The following PARPBP variants were observed in gnomAD, a reference collection of about 807,000 sequenced individuals.
PARPBP encodes the protein PCNA-interacting partner.
In PARPBP, 52 loss-of-function variants were observed where a neutral mutation model predicts 50.0. The ratio of observed to expected loss-of-function variants is 1.04; its 90% CI spans 0.83 to 1.31. The LOEUF is 1.31. Among genes scored for constraint, PARPBP ranks in the 50% most tolerant of loss-of-function variants. The probability of loss-of-function intolerance (pLI) is 0.00; values close to 1 mark genes in which losing one functional copy is unlikely to be tolerated. For missense variants in PARPBP, 697 were observed against 672.0 expected, an observed-to-expected ratio of 1.04 and a Z score of -0.41; for synonymous variants, 244 against 232.1, an observed-to-expected ratio of 1.05 and a Z score of -0.47.
intron 7 of PARPBP, among the ~76,000 whole-genome samples, chr12:102,177,837 C>T (rs1889429375): frequency 6.6e-6 from 1 of 152,184 alleles, no homozygotes; most frequent in Admixed American, 6.5e-5. Context: ...ACCACTTCCT[C>T]CCTTTTACCT....
chr12:102,169,427 T>A (rs778463236), intron 6 of PARPBP, among the ~76,000 whole-genome samples: 26 of 152,164 alleles, frequency 1.7e-4, no homozygotes, highest in Non-Finnish European at 3.1e-4. Flanking sequence ...TTTTTGTCTT[T>A]CTCTGCAAAA....
intron 9 of PARPBP, among the ~76,000 whole-genome samples, chr12:102,184,965 T>G (rs1890173624): frequency 6.6e-6 from 1 of 152,198 alleles, no homozygotes; most frequent in Admixed American, 6.5e-5. Context: ...TATCTTGAAA[T>G]GAGCATTTCA....
At chr12:102,130,552 C>G (rs564466771) in intron 2 of PARPBP, among the ~76,000 whole-genome samples, 2 of 151,688 alleles carry the variant, frequency 1.3e-5, no homozygotes, top group African/African-American at 4.8e-5. Context: ...AGAAAAAATC[C>G]CATTAAGAAG....
In PARPBP at chr12:102,197,515, C is replaced by G; in HGVS notation, c.*1224C>G. On this transcript the variant is annotated 3_prime_UTR_variant, in exon 11 of 11. Coordinates refer to ENST00000327680, the MANE Select transcript of PARPBP (RefSeq NM_017915.5). Reference sequence around the variant, plus strand: ...TGAAATAAACGACAAGTCACATTGCCACTTACCTTTGAAACTTTATTTTCC... The same window carrying G: ...TGAAATAAACGACAAGTCACATTGCGACTTACCTTTGAAACTTTATTTTCC... 1 of 1,597,290 alleles carries G rather than the reference C, an allele frequency of 6.3e-7. No homozygotes were observed. The highest frequency in any genetic ancestry group is 8.5e-7 in the Non-Finnish European group (1 of 1,173,510).
intron 6 of PARPBP, among the ~76,000 whole-genome samples, chr12:102,171,088 C>T (rs1267647968): frequency 1.3e-5 from 2 of 151,480 alleles, no homozygotes; most frequent in African/African-American, 4.8e-5. Flanking sequence ...CTCCTACAGT[C>T]ACAACACCTT....
At position 102,148,280 on chromosome 12, in the gene PARPBP, A is replaced by T. The variant is rs1274710880; in HGVS notation, c.204A>T (p.Lys68Asn). ...VSLSDVLLTW[K>N]YLLHEKLNLP... ...TCAGTGATGTTTTATTGACATGGAA[A>T]TACTTGCTCCATGAGAAATTGAACT... Residue 68 changes from lysine to asparagine, a missense_variant, in exon 3 of 11, where the codon AAA becomes AAT. Transcript: ENST00000327680. 1 of 1,606,854 alleles carries T rather than the reference A, an allele frequency of 6.2e-7. No homozygotes were observed. The highest frequency in any genetic ancestry group is 8.5e-7 in the Non-Finnish European group (1 of 1,175,288).
At chr12:102,176,332 A>G (rs569281904) in intron 7 of PARPBP, among the ~76,000 whole-genome samples, 1 of 152,306 alleles carries the variant, frequency 6.6e-6, no homozygotes, top group Admixed American at 6.5e-5. Context: ...TATAAAATAA[A>G]AGCCTGTTTT....
intron 6 of PARPBP, among the ~76,000 whole-genome samples, chr12:102,172,504 A>T (rs1020915737): frequency 6.6e-6 from 1 of 152,214 alleles, no homozygotes; most frequent in African/African-American, 2.4e-5. Flanking sequence ...TGCTGAGCAG[A>T]TATTAGAAGC....
chr12:102,148,289 C>T lies in PARPBP; in HGVS notation c.213C>T (p.Leu71=), dbSNP rs756168613. The change falls in exon 3 of 11, where the codon CTC becomes CTT. Residue 71 remains leucine (L), a synonymous_variant. Coordinates refer to ENST00000327680, the MANE Select transcript of PARPBP (RefSeq NM_017915.5). ...SDVLLTWKYL[L]HEKLNLPVEN... Reference sequence around the variant, plus strand: ...TTTTATTGACATGGAAATACTTGCTCCATGAGAAATTGAACTTACCAGTTG... The same window carrying T: ...TTTTATTGACATGGAAATACTTGCTTCATGAGAAATTGAACTTACCAGTTG... The T allele has an allele frequency of 2.5e-6, 4 of 1,607,714 alleles. No individual in the cohort carries two copies. Among genetic ancestry groups the T allele is most frequent in the South Asian group, 1.1e-5 (1 of 90,836 alleles).
chr12:102,126,152 G>A (rs1256268477), intron 2 of PARPBP, among the ~76,000 whole-genome samples: 3 of 152,096 alleles, frequency 2.0e-5, no homozygotes, highest in Non-Finnish European at 4.4e-5. Flanking sequence ...TTTATGTGGC[G>A]GGGTGAGCAG....
chr12:102,121,258 TAAG>T (rs777895968), intron 1 of PARPBP, among the ~76,000 whole-genome samples: 2 of 152,184 alleles, frequency 1.3e-5, no homozygotes, highest in East Asian at 1.9e-4. Context: ...GCTCCTGAGC[TAAG>T]AAGGAGTGTT....
chr12:102,171,696 C>G (rs1036424596), intron 6 of PARPBP, among the ~76,000 whole-genome samples: 1 of 152,016 alleles, frequency 6.6e-6, no homozygotes, highest in African/African-American at 2.4e-5. Flanking sequence ...GAAACCCCGT[C>G]TCTACTAAAA....
intron 2 of PARPBP, among the ~76,000 whole-genome samples, chr12:102,125,129 T>C (rs1881782612): frequency 6.6e-6 from 1 of 152,180 alleles, no homozygotes; most frequent in Non-Finnish European, 1.5e-5. Context: ...TTTTATGTAG[T>C]CAGTCATTTT....
At chr12:102,179,988 G>T (rs975488244) in intron 8 of PARPBP, among the ~76,000 whole-genome samples, 8 of 151,962 alleles carry the variant, frequency 5.3e-5, no homozygotes, top group Non-Finnish European at 7.4e-5. Flanking sequence ...TCTCTCCTAT[G>T]CCTCAGTATC....
chr12:102,157,313 G>T (rs969794302), intron 4 of PARPBP, among the ~76,000 whole-genome samples: 17 of 152,014 alleles, frequency 1.1e-4, no homozygotes, highest in Admixed American at 6.6e-5. Context: ...TGGCATAACC[G>T]CAATATAAGA....
At chr12:102,127,297 G>A (rs1325310569) in intron 2 of PARPBP, among the ~76,000 whole-genome samples, 2 of 151,966 alleles carry the variant, frequency 1.3e-5, no homozygotes, top group Non-Finnish European at 2.9e-5. Context: ...TTGGGAGACT[G>A]AGGTGAGATC....
intron 4 of PARPBP, among the ~76,000 whole-genome samples, chr12:102,156,603 A>G (rs1447875094): frequency 1.3e-5 from 2 of 152,148 alleles, no homozygotes; most frequent in Non-Finnish European, 2.9e-5. Flanking sequence ...AAGTAAAATT[A>G]TATTCAACAT....
chr12:102,161,608 A>G (rs1212216475), intron 4 of PARPBP, among the ~76,000 whole-genome samples: 2 of 152,140 alleles, frequency 1.3e-5, no homozygotes, highest in Admixed American at 6.5e-5. Context: ...TCACAAAGTA[A>G]TAGGAGGATT....
At chr12:102,141,036 C>T (rs1884505668) in intron 2 of PARPBP, among the ~76,000 whole-genome samples, 1 of 152,160 alleles carries the variant, frequency 6.6e-6, no homozygotes. Context: ...CCTGGATATC[C>T]TTATTAACTT....
Sources: allele counts gnomAD v4.1 joint callset (sites outside exome capture counted in the v4.1 genomes callset), GRCh38; gene constraint gnomAD v4.1.1; transcripts MANE v1.5; gene names NCBI Gene and HGNC (gene_info 2026-07-23, HGNC 2026-07-21).